SYNGR1: variants seen among roughly 807,000 people sequenced by gnomAD.
SYNGR1 encodes the protein synaptogyrin-1.
In SYNGR1, 14 loss-of-function variants were observed where a neutral mutation model predicts 26.1. The ratio of observed to expected loss-of-function variants is 0.54; its 90% CI spans 0.35 to 0.84. SYNGR1 has a LOEUF of 0.84. SYNGR1 is among the 40% of genes least tolerant of loss of function. The probability of loss-of-function intolerance (pLI) is 0.01; values close to 1 mark genes in which losing one functional copy is unlikely to be tolerated. For synonymous variants in SYNGR1, 141 were observed against 150.1 expected (o/e 0.94, Z 0.44); for missense variants, 319 against 332.9 (o/e 0.96, Z 0.33).
chr22:39,360,506 C>T lies in SYNGR1; in HGVS notation c.99+10397C>T, dbSNP rs540774816. ...CTGTCATTGATGGATCTCTCAGCAG[C>T]GTCTGGCAGCCGTGAGGGGTTTATG... On this transcript the variant is annotated intron_variant, in intron 1 of 3. Transcript: ENST00000328933. Among the ~76,000 whole-genome samples the T allele has an allele frequency of 7.8e-4, 119 of 152,282 alleles. 1 individual carries two copies. In the South Asian group the frequency reaches 0.013, roughly 17 times the overall value.
intron 3 of SYNGR1, chr22:39,378,121 C>T (rs772998913): frequency 8.6e-7 from 1 of 1,166,136 alleles, no homozygotes; most frequent in Non-Finnish European, 1.1e-6. Flanking sequence ...CCTCTCCCTT[C>T]ACAGCGGTGT....
chr22:39,367,942 A>G (rs1924842346), intron 1 of SYNGR1, among the ~76,000 whole-genome samples: 1 of 151,822 alleles, frequency 6.6e-6, no homozygotes, highest in Non-Finnish European at 1.5e-5. Flanking sequence ...TTCCCACCTC[A>G]TCGTACAAAA....
chr22:39,366,440 G>A (rs1355267231), intron 1 of SYNGR1, among the ~76,000 whole-genome samples: 9 of 151,966 alleles, frequency 5.9e-5, no homozygotes, highest in Non-Finnish European at 1.2e-4. Flanking sequence ...GAGGTCAGGA[G>A]TTCGAGACCA....
chr22:39,359,630 CAAAAAAAAAAAAAAAAAAA>C (rs60500594), intron 1 of SYNGR1, among the ~76,000 whole-genome samples: 1 of 78,136 alleles, frequency 1.3e-5, no homozygotes, highest in African/African-American at 4.6e-5. Flanking sequence ...GACTCTGTCT[CAAAAAAAAAAAAAAAAAAA>C]AAAAAAAAAG....
chr22:39,375,751 C>T (rs1925249499), intron 2 of SYNGR1: 3 of 600,430 alleles, frequency 5.0e-6, no homozygotes, highest in Non-Finnish European at 8.9e-6. Flanking sequence ...CCTTCTTTCT[C>T]TGTCTCTCCC....
At chr22:39,356,926 C>A (rs1181394685) in intron 1 of SYNGR1, among the ~76,000 whole-genome samples, 1 of 152,176 alleles carries the variant, frequency 6.6e-6, no homozygotes, top group Non-Finnish European at 1.5e-5. Context: ...TCCTAGTGGA[C>A]TCCAGGTTGG....
At chr22:39,375,887 C>T in intron 2 of SYNGR1, 165 bp from the exon 3 acceptor site, 1 of 909,586 alleles carries the variant, frequency 1.1e-6, no homozygotes, top group Non-Finnish European at 1.8e-6. Flanking sequence ...TCTTGGCTCC[C>T]CTCTCTCTTC....
At chr22:39,375,784 C>G in intron 2 of SYNGR1, 1 of 611,144 alleles carries the variant, frequency 1.6e-6, no homozygotes. Flanking sequence ...TCTCACTGCC[C>G]GTGGCTCTCC....
chr22:39,352,855 C>T (rs1182387595), intron 1 of SYNGR1, among the ~76,000 whole-genome samples: 3 of 152,212 alleles, frequency 2.0e-5, no homozygotes, highest in South Asian at 2.1e-4. Context: ...GCACATGAAC[C>T]TGTGATTGTT....
Position 39,350,030 on chromosome 22 carries a change from G to C in SYNGR1, c.20G>C (p.Gly7Ala). MEGGAYGAGKAGGAFDP... is the reference protein window; with the variant it reads MEGGAYAAGKAGGAFDP... ...GCCACGATGGAAGGGGGTGCGTACG[G>C]AGCGGGCAAAGCCGGGGGCGCCTTC... Residue 7 changes from glycine to alanine, a missense_variant, in exon 1 of 4, where the codon GGA becomes GCA. Transcript: ENST00000328933. The surrounding 1 kb of genome is among the most constrained non-coding windows in gnomAD (Gnocchi z 4.3). The C allele has an allele frequency of 7.2e-7, 1 of 1,389,474 alleles. No homozygotes were observed. 86.1% of individuals were successfully genotyped at this position (1,389,474 alleles called of 1,614,324 possible). A position where few individuals can be genotyped will look rare whatever the true frequency, so the allele number is the denominator to read the frequency against.
At chr22:39,358,492 C>G (rs895597712) in intron 1 of SYNGR1, among the ~76,000 whole-genome samples, 1 of 152,232 alleles carries the variant, frequency 6.6e-6, no homozygotes, top group South Asian at 2.1e-4. Flanking sequence ...CTGTAACACT[C>G]ACCGCGAAGG....
chr22:39,358,951 C>T (rs979822654), intron 1 of SYNGR1, among the ~76,000 whole-genome samples: 3 of 152,256 alleles, frequency 2.0e-5, no homozygotes, highest in African/African-American at 4.8e-5. Flanking sequence ...GGCTGCGTAG[C>T]TGGGACAGCC....
intron 1 of SYNGR1, among the ~76,000 whole-genome samples, chr22:39,351,581 C>T (rs1434966503): frequency 6.6e-6 from 1 of 152,278 alleles, no homozygotes; most frequent in Non-Finnish European, 1.5e-5. Flanking sequence ...CCGGATCAGG[C>T]GGGTGGGCTG....
At chr22:39,358,864 T>G (rs1924316461) in intron 1 of SYNGR1, among the ~76,000 whole-genome samples, 1 of 152,230 alleles carries the variant, frequency 6.6e-6, no homozygotes, top group Non-Finnish European at 1.5e-5. Flanking sequence ...CAAACGTCCC[T>G]TCACAGATAG....
At chr22:39,374,226 G>A in intron 1 of SYNGR1, 90 bp from the exon 2 acceptor site, 1 of 1,228,484 alleles carries the variant, frequency 8.1e-7, no homozygotes, top group Non-Finnish European at 1.2e-6. Flanking sequence ...GGAGGGCCAG[G>A]CAGCAGGCGA....
chr22:39,363,877 G>A (rs1201408800), intron 1 of SYNGR1, among the ~76,000 whole-genome samples: 2 of 152,140 alleles, frequency 1.3e-5, no homozygotes, highest in Admixed American at 6.5e-5. Context: ...TTTGGAGCTG[G>A]GAGGACAGAG....
chr22:39,356,939 A>G (rs547201956), intron 1 of SYNGR1, among the ~76,000 whole-genome samples: 3 of 152,204 alleles, frequency 2.0e-5, no homozygotes, highest in Admixed American at 6.5e-5. Flanking sequence ...CAGGTTGGGA[A>G]CTTTGGATTG....
chr22:39,374,795 T>C (rs1037938814), intron 2 of SYNGR1: 25 of 577,744 alleles, frequency 4.3e-5, no homozygotes, highest in Non-Finnish European at 6.5e-5. Context: ...TTCTAGTTCC[T>C]TCTAGTCTAA....
At chr22:39,364,958 C>T (rs56670651) in intron 1 of SYNGR1, among the ~76,000 whole-genome samples, 6,725 of 152,034 alleles carry the variant, frequency 0.044, 502 homozygotes, top group African/African-American at 0.15. Context: ...TTAAAGAGGG[C>T]GGAAAAAAAC....
Sources: allele counts gnomAD v4.1 joint callset (sites outside exome capture counted in the v4.1 genomes callset), GRCh38; gene constraint gnomAD v4.1.1; non-coding constraint Gnocchi (gnomAD v3.1); transcripts MANE v1.5; gene names NCBI Gene and HGNC (gene_info 2026-07-23, HGNC 2026-07-21).